Variants in KRT77 observed in about 807,000 individuals in gnomAD.
KRT77 encodes keratin, type II cytoskeletal 1b.
A neutral mutation model predicts 51.5 loss-of-function variants in KRT77; 44 were observed. That is an observed-to-expected ratio of 0.85 (90% confidence interval 0.67 to 1.10). The LOEUF (loss-of-function observed/expected upper bound fraction) is 1.10, where lower values mean the gene tolerates loss of function less well. KRT77 is among the 50% of genes least tolerant of loss of function. The pLI, the probability that KRT77 is intolerant of heterozygous loss-of-function variation, is 0.00. For synonymous variants in KRT77, 293 were observed against 302.0 expected (o/e 0.97, Z 0.31); for missense variants, 763 against 743.9 (o/e 1.03, Z -0.30).
intron 1 of KRT77, among the ~76,000 whole-genome samples, chr12:52,701,446 G>T (rs953766132): frequency 6.6e-6 from 1 of 152,192 alleles, no homozygotes; most frequent in Non-Finnish European, 1.5e-5. Flanking sequence ...GGCCTGCCCT[G>T]CCACCCAGTA....
At chr12:52,697,164 C>T (rs114972034) in intron 2 of KRT77, among the ~76,000 whole-genome samples, 245 of 152,348 alleles carry the variant, frequency 1.6e-3, no homozygotes, top group African/African-American at 5.7e-3. Flanking sequence ...GTCCCCAATC[C>T]ACAAGCATCA....
Position 52,691,348 on chromosome 12 carries a change from GC to G in KRT77, c.1553del (p.Gly518AlafsTer104). 1 of 1,594,506 alleles carries G rather than the reference GC, an allele frequency of 6.3e-7. No homozygotes were observed. Among genetic ancestry groups the G allele is most frequent in the Non-Finnish European group, 8.5e-7 (1 of 1,171,766 alleles). On this transcript the variant is annotated frameshift_variant, in exon 9 of 9. Coordinates refer to ENST00000341809, the MANE Select transcript of KRT77 (RefSeq NM_175078.3). LOFTEE classifies it low-confidence loss of function (END_TRUNC). ...SGGYGGGSGGGYGGGRSYRGG... is the reference protein window; with the variant it reads ...SGGYGGGSGGXYGGGRSYRGG... ...CGCGGTAGCTTCTTCCGCCGCCATA[GC>G]CCCCACCGCTGCCGCCGCCGTAGCC...
At position 52,697,722 on chromosome 12, in the gene KRT77, C is replaced by T. The variant is rs766941173; in HGVS notation, c.718G>A (p.Val240Ile). Residue 240 changes from valine (V) to isoleucine (I), a missense_variant, in exon 2 of 9, where the codon GTC becomes ATC. By Grantham distance (29) the Val-to-Ile change is conservative. Transcript: ENST00000341809. ...SAEQMRQNAE[V>I]RSMQDVVEDY... Reference sequence around the variant, plus strand: ...TCCACGACATCCTGCATGCTCCTGACCTCCGCGTTCTGGCGCATCTGCTCC... The same window carrying T: ...TCCACGACATCCTGCATGCTCCTGATCTCCGCGTTCTGGCGCATCTGCTCC... 1.2e-6 allele frequency: 2 copies of T among 1,614,078 alleles called. No individual in the cohort carries two copies. The highest frequency in any genetic ancestry group is 1.7e-6 in the Non-Finnish European group (2 of 1,179,958).
chr12:52,691,860 T>A (rs1941714294), intron 8 of KRT77, 78 bp downstream of exon 8: 1 of 1,567,240 alleles, frequency 6.4e-7, no homozygotes, highest in African/African-American at 1.3e-5. Context: ...AGACTTTCCG[T>A]TCTCTGCTGG....
Position 52,696,095 on chromosome 12 carries a change from T to C in KRT77, c.820-228A>G, listed in dbSNP as rs760172681. ...CAGTCACAACCAACACCCCAGGTCC[T>C]TCCTTAGGTCCCAAGGCTACAGGTA... On this transcript the variant is annotated intron_variant, in intron 3 of 8. Coordinates refer to ENST00000341809, the MANE Select transcript of KRT77 (RefSeq NM_175078.3). Among the ~76,000 whole-genome samples the C allele has an allele frequency of 6.6e-5, 10 of 152,196 alleles. No individual in the cohort carries two copies. The East Asian group carries it at 7.7e-4, about 12-fold the overall frequency.
chr12:52,696,627 G>A (rs1941798055), intron 2 of KRT77, 197 bp from the exon 3 acceptor site: 1 of 557,496 alleles, frequency 1.8e-6, no homozygotes, highest in Non-Finnish European at 3.2e-6. Flanking sequence ...TCCTAGGTCT[G>A]TGGGCCAACA....
At chr12:52,697,363 G>A (rs1238543608) in intron 2 of KRT77, among the ~76,000 whole-genome samples, 2 of 152,218 alleles carry the variant, frequency 1.3e-5, no homozygotes, top group South Asian at 2.1e-4. Flanking sequence ...CATTACTAAT[G>A]TGAACACTAG....
Position 52,691,381 on chromosome 12 carries a change from G to GC in KRT77, c.1520dup (p.Ser508LeufsTer145). 6.2e-7 allele frequency: 1 copy of GC among 1,602,066 alleles called. No homozygotes were observed. On this transcript the variant is annotated frameshift_variant, in exon 9 of 9. Coordinates refer to ENST00000341809, the MANE Select transcript of KRT77 (RefSeq NM_175078.3). LOFTEE classifies it low-confidence loss of function (END_TRUNC). The stretch of plus-strand genomic sequence containing the variant: ...CGCTGCCGCCGCCGTAGCCTCCTGA[G>GC]CCGTAGCTGCCGCCGCCTCCCGCGC...
At position 52,694,659 on chromosome 12, in the gene KRT77, G is replaced by A. The variant is rs1941765246; in HGVS notation, c.1047C>T (p.Ser349=). 6.2e-7 allele frequency: 1 copy of A among 1,610,750 alleles called. No homozygotes were observed. The highest frequency in any genetic ancestry group is 1.1e-5 in the South Asian group (1 of 90,500). The change falls in exon 5 of 9, where the codon AGC becomes AGT. Residue 349 remains serine (S), a synonymous_variant. Transcript: ENST00000341809. ...RTQYELIAQR[S]KDEAEALYQT... ...GGTACAGGGCTTCGGCCTCGTCCTTGCTCCTCTGTGCAATCAGTTCATACT... is the reference window on the plus strand; with the variant it reads ...GGTACAGGGCTTCGGCCTCGTCCTTACTCCTCTGTGCAATCAGTTCATACT...
At chr12:52,694,887 A>G in intron 4 of KRT77, 97 bp from the exon 5 acceptor site, 8 of 1,130,570 alleles carry the variant, frequency 7.1e-6, no homozygotes, top group Non-Finnish European at 9.8e-6. Context: ...GGAAGCCAGA[A>G]GCCTGGGCCA....
At chr12:52,695,902 C>A (rs372178812) in intron 3 of KRT77, 35 bp from the exon 4 acceptor site, 8 of 1,358,778 alleles carry the variant, frequency 5.9e-6, no homozygotes, top group Non-Finnish European at 8.4e-6. Flanking sequence ...GACTTTATTG[C>A]CCAGGCATTG....
chr12:52,691,900 C>T (rs1214887586), intron 8 of KRT77, 38 bp downstream of exon 8: 4 of 1,613,094 alleles, frequency 2.5e-6, no homozygotes, highest in South Asian at 1.1e-5. Flanking sequence ...CCACCCAGCA[C>T]CACCAGCCTC....
At position 52,702,893 on chromosome 12, in the gene KRT77, T is replaced by C. The variant is rs1428989288; in HGVS notation, c.542A>G (p.Lys181Arg). The C allele has an allele frequency of 6.2e-7, 1 of 1,613,866 alleles. No homozygotes were observed. Among genetic ancestry groups the C allele is most frequent in the Admixed American group, 1.7e-5 (1 of 59,990 alleles). The change falls in exon 1 of 9, where the codon AAG (lysine) becomes AGG (arginine). Residue 181 changes from lysine to arginine, a missense_variant and splice_region_variant. Physicochemically the swap from Lys to Arg is conservative, Grantham distance 26. Transcript: ENST00000341809. ...CCTCCCTGCCCCTGAGGTGCTCACC[T>C]TGTCAATGAAGGAGGCAAACTTGTT... is the stretch of plus-strand genomic sequence containing the variant. ...LNNKFASFID[K>R]VRFLEQQNQV...
Position 52,697,580 on chromosome 12 carries a change from C to T in KRT77, c.758+102G>A, listed in dbSNP as rs574862074. 6 of 190,050 alleles carry T rather than the reference C, an allele frequency of 3.2e-5. 2 individuals are homozygous for T. The highest frequency in any genetic ancestry group is 2.6e-4 in the Admixed American group (5 of 19,346). 11.8% of individuals were successfully genotyped at this position (190,050 alleles called of 1,614,324 possible). A position where few individuals can be genotyped will look rare whatever the true frequency, so the allele number is the denominator to read the frequency against. ...TGTGCAGTGCAGAGCCTGCATGCCCCGCCCCCCACCCTTACACACAAACAC... is the reference window on the plus strand; with the variant it reads ...TGTGCAGTGCAGAGCCTGCATGCCCTGCCCCCCACCCTTACACACAAACAC... On this transcript the variant is annotated intron_variant, in intron 2 of 8. Coordinates refer to ENST00000341809, the MANE Select transcript of KRT77 (RefSeq NM_175078.3).
rs1445948761 is a variant in KRT77 at position 52,692,754 on chromosome 12, C to T, written c.1206+1G>A. ...CAGCCCTCCCTAAGCACCCGTCCCA[C>T]CTGCTTCTTCACGTTGCTGATCTCT... On this transcript the variant is annotated splice_donor_variant, in intron 6 of 8. Transcript: ENST00000341809. LOFTEE classifies it high-confidence loss of function. 1 of 1,604,090 alleles carries T rather than the reference C, an allele frequency of 6.2e-7. No individual in the cohort carries two copies.
Position 52,690,780 on chromosome 12 carries a change from T to C in KRT77, c.*385A>G. Reference sequence around the variant, plus strand: ...GAACTGGGGCATAAGGGCATTCTACTTGGAGGCAGAGGAATGATAACAATG... The same window carrying C: ...GAACTGGGGCATAAGGGCATTCTACCTGGAGGCAGAGGAATGATAACAATG... On this transcript the variant is annotated 3_prime_UTR_variant, in exon 9 of 9. Coordinates refer to ENST00000341809, the MANE Select transcript of KRT77 (RefSeq NM_175078.3). 2.8e-6 allele frequency: 1 copy of C among 358,180 alleles called. No homozygotes were observed. Among genetic ancestry groups the C allele is most frequent in the Non-Finnish European group, 5.2e-6 (1 of 193,904 alleles). The allele number at this position is 358,180 out of a possible 1,614,324, so 22.2% of individuals were successfully genotyped here. A position where few individuals can be genotyped will look rare whatever the true frequency, so the allele number is the denominator to read the frequency against.
rs375474537 is a variant in KRT77, at chr12:52,695,877, A to G, written c.820-10T>C. 4 of 1,573,250 alleles carry G rather than the reference A, an allele frequency of 2.5e-6. No individual in the cohort carries two copies. In the African/African-American group the frequency reaches 5.4e-5, roughly 21 times the overall value. ...AAGCAGCATCCACATCCTGAATAGC[A>G]GGCAGAAACAGTTTGACTTTATTGC... is the stretch of plus-strand genomic sequence containing the variant. On this transcript the variant is annotated splice_polypyrimidine_tract_variant and intron_variant, in intron 3 of 8. Transcript: ENST00000341809.
intron 5 of KRT77, chr12:52,693,495 C>T (rs1941747640): frequency 6.6e-6 from 1 of 152,172 alleles, no homozygotes; most frequent in African/African-American, 2.4e-5. Context: ...ATGTCGAAAT[C>T]CATTCCACCC....
At position 52,703,100 on chromosome 12, in the gene KRT77, A is replaced by T. The variant is rs1464338300; in HGVS notation, c.335T>A (p.Phe112Tyr). The change falls in exon 1 of 9, where the codon TTT becomes TAT. Residue 112 changes from phenylalanine to tyrosine, a missense_variant. Transcript: ENST00000341809. ...GCTAGTCCCAAATCCAGCACCCCCA[A>T]AACCACCTCCTCCAAAGCCACCAGC... ...TGAGGFGGGG[F>Y]GGAGFGTSNF... 11 of 1,612,516 alleles carry T rather than the reference A, an allele frequency of 6.8e-6. No homozygotes were observed. Among genetic ancestry groups the T allele is most frequent in the African/African-American group, 1.3e-5 (1 of 74,610 alleles).
Sources: gnomAD v4.1 joint callset for allele counts (sites outside exome capture counted in the v4.1 genomes callset) on GRCh38, gnomAD v4.1.1 for gene constraint, MANE v1.5 for transcripts, NCBI Gene and HGNC (gene_info 2026-07-23, HGNC 2026-07-21) for gene names.